The following CTIF variants were observed in gnomAD, a reference collection of about 807,000 sequenced individuals.
CTIF encodes the protein cap binding complex dependent translation initiation factor.
A neutral mutation model predicts 66.0 loss-of-function variants in CTIF; 21 were observed. That is an observed-to-expected ratio of 0.32 (90% confidence interval 0.23 to 0.46). CTIF has a LOEUF of 0.46. Ranked by LOEUF, CTIF falls within the 20% of genes least tolerant of loss-of-function variation. The pLI is 1.00. For synonymous variants in CTIF, 345 were observed against 326.4 expected (o/e 1.06, Z -0.62); for missense variants, 739 against 812.7 (o/e 0.91, Z 1.10).
intron 6 of CTIF, among the ~76,000 whole-genome samples, chr18:48,687,255 C>A (rs1207171468): frequency 1.4e-5 from 2 of 147,750 alleles, no homozygotes; most frequent in East Asian, 4.1e-4. Context: ...TACCTGAATG[C>A]CAGTACATAG....
rs1204007852 is a variant in CTIF at position 48,863,181 on chromosome 18, G to A, written c.*3622G>A. ...TTCCAGCTGAACCCAAACTACAAGTGGGTTTAAAAAAATAAACACCACCAC... is the reference window on the plus strand; with the variant it reads ...TTCCAGCTGAACCCAAACTACAAGTAGGTTTAAAAAAATAAACACCACCAC... On this transcript the variant is annotated 3_prime_UTR_variant, in exon 12 of 12. Coordinates refer to ENST00000256413, the MANE Select transcript of CTIF (RefSeq NM_014772.3). The A allele has an allele frequency of 8.1e-6, 1 of 123,036 alleles. No homozygotes were observed. The highest frequency in any genetic ancestry group is 1.7e-5 in the Non-Finnish European group (1 of 57,872). The allele number at this position is 123,036 out of a possible 1,614,324, so 7.6% of individuals were successfully genotyped here.
chr18:48,664,678 TTATGCGTCC>T, intron 5 of CTIF, 127 bp downstream of exon 5: 1 of 736,558 alleles, frequency 1.4e-6, no homozygotes, highest in South Asian at 1.7e-5. Flanking sequence ...GATGCTCTTC[TTATGCGTCC>T]CAGAGCTGCA....
intron 3 of CTIF, among the ~76,000 whole-genome samples, chr18:48,650,415 G>A (rs299732): frequency 0.12 from 18,066 of 152,154 alleles, 1,218 homozygotes; most frequent in African/African-American, 0.17. Flanking sequence ...AAAGTGAGAA[G>A]AGAAGTTTAG....
chr18:48,561,045 C>G (rs1314738732), intron 1 of CTIF, among the ~76,000 whole-genome samples: 1 of 152,102 alleles, frequency 6.6e-6, no homozygotes, highest in Non-Finnish European at 1.5e-5. Flanking sequence ...TCGAGACCAG[C>G]CTGGCCAACA....
Position 48,594,816 on chromosome 18 carries a change from GCCT to G in CTIF, c.-28-24714_-28-24712del, listed in dbSNP as rs1483049339. 2.0e-5 allele frequency among the ~76,000 whole-genome samples: 3 copies of G among 152,204 alleles called. No individual in the cohort carries two copies. The East Asian group carries it at 5.8e-4, about 29-fold the overall frequency. ...AAGGAACGAGAACTGCCCCGCTTGG[GCCT>G]CCTCCTCACCTGGTGCGTTCAGTCA... is the stretch of plus-strand genomic sequence containing the variant. On this transcript the variant is annotated intron_variant, in intron 1 of 11. Coordinates refer to ENST00000256413, the MANE Select transcript of CTIF (RefSeq NM_014772.3).
chr18:48,774,165 A>G (rs940762792), intron 9 of CTIF, among the ~76,000 whole-genome samples: 2 of 152,184 alleles, frequency 1.3e-5, no homozygotes, highest in Admixed American at 1.3e-4. Context: ...GCCAATCGGC[A>G]TCATGTGAGC....
chr18:48,670,587 T>C (rs767239251), intron 5 of CTIF, 82 bp from the exon 6 acceptor site: 2 of 1,276,108 alleles, frequency 1.6e-6, no homozygotes, highest in Non-Finnish European at 2.3e-6. Flanking sequence ...CTGCTGACTG[T>C]CCCTCCTCTC....
intron 6 of CTIF, among the ~76,000 whole-genome samples, chr18:48,673,891 C>G (rs770815286): frequency 1.3e-5 from 2 of 152,204 alleles, no homozygotes; most frequent in Non-Finnish European, 2.9e-5. Context: ...CCAGGGAAGC[C>G]AAAAGATTGG....
Position 48,862,406 on chromosome 18 carries a change from G to C in CTIF, c.*2847G>C, listed in dbSNP as rs371237868. The C allele has an allele frequency of 6.6e-6, 1 of 152,572 alleles. No homozygotes were observed. The highest frequency in any genetic ancestry group is 1.9e-4 in the East Asian group (1 of 5,176). 9.5% of individuals were successfully genotyped at this position (152,572 alleles called of 1,614,324 possible). On this transcript the variant is annotated 3_prime_UTR_variant, in exon 12 of 12. Coordinates refer to ENST00000256413, the MANE Select transcript of CTIF (RefSeq NM_014772.3). ...GTTAGTCATTGTTTTTCTCCGAGGC[G>C]GCCTGCTTGCCACAGCCCTGCTCCC...
chr18:48,763,040 G>A (rs1286939566), intron 9 of CTIF, among the ~76,000 whole-genome samples: 2 of 152,238 alleles, frequency 1.3e-5, no homozygotes, highest in Non-Finnish European at 2.9e-5. Context: ...ATTACCTGAG[G>A]GATTTGCACA....
At chr18:48,634,356 A>G (rs958011064) in intron 2 of CTIF, among the ~76,000 whole-genome samples, 4 of 152,204 alleles carry the variant, frequency 2.6e-5, no homozygotes, top group African/African-American at 4.8e-5. Context: ...TGACAGCCAC[A>G]ATTAATAAAT....
intron 1 of CTIF, among the ~76,000 whole-genome samples, chr18:48,595,330 A>G (rs981040935): frequency 3.3e-5 from 5 of 152,164 alleles, no homozygotes; most frequent in African/African-American, 9.7e-5. Flanking sequence ...CTCAGTTAGG[A>G]TTAGGATTGT....
At chr18:48,800,000 A>G (rs2068016183) in intron 9 of CTIF, among the ~76,000 whole-genome samples, 1 of 152,246 alleles carries the variant, frequency 6.6e-6, no homozygotes, top group African/African-American at 2.4e-5. Context: ...GCCTACTTAG[A>G]GAAGGCAGAG....
At chr18:48,743,023 T>A (rs551806712) in intron 7 of CTIF, among the ~76,000 whole-genome samples, 1 of 152,380 alleles carries the variant, frequency 6.6e-6, no homozygotes, top group East Asian at 1.9e-4. Flanking sequence ...ATTTAATTTT[T>A]TACCCATAAT....
intron 2 of CTIF, among the ~76,000 whole-genome samples, chr18:48,634,590 G>T (rs185085868): frequency 3.3e-5 from 5 of 152,330 alleles, no homozygotes; most frequent in African/African-American, 1.2e-4. Context: ...CCAGGAAGGA[G>T]ACCCAGGCAC....
intron 6 of CTIF, among the ~76,000 whole-genome samples, chr18:48,698,104 T>TTAA (rs2092032457): frequency 7.7e-5 from 1 of 13,046 alleles, no homozygotes; most frequent in Non-Finnish European, 2.0e-4. Context: ...TAGCCATCAT[T>TTAA]AAAAAAAAAA....
chr18:48,741,553 G>A (rs142357818), intron 7 of CTIF, among the ~76,000 whole-genome samples: 1 of 151,728 alleles, frequency 6.6e-6, no homozygotes, highest in African/African-American at 2.4e-5. Context: ...CTCCTGAAGA[G>A]CTGGGATTAC....
At chr18:48,685,171 G>C (rs2091817868) in intron 6 of CTIF, among the ~76,000 whole-genome samples, 1 of 151,730 alleles carries the variant, frequency 6.6e-6, no homozygotes, top group Non-Finnish European at 1.5e-5. Flanking sequence ...TTATTGTGTA[G>C]AATGTCTGTC....
At chr18:48,543,536 A>G (rs2145470288) in intron 1 of CTIF, among the ~76,000 whole-genome samples, 1 of 152,302 alleles carries the variant, frequency 6.6e-6, no homozygotes, top group Non-Finnish European at 1.5e-5. Flanking sequence ...CCGTGCTCTC[A>G]GCATGCCTCT....
Sources: gnomAD v4.1 joint callset for allele counts (sites outside exome capture counted in the v4.1 genomes callset) on GRCh38, gnomAD v4.1.1 for gene constraint, MANE v1.5 for transcripts, NCBI Gene and HGNC (gene_info 2026-07-23, HGNC 2026-07-21) for gene names.